GMNC: variants seen among roughly 807,000 people sequenced by gnomAD.
The protein encoded by GMNC is geminin coiled-coil domain-containing protein 1.
GMNC carries 16 observed loss-of-function variants against 33.6 expected under a neutral mutation model. The ratio of observed to expected loss-of-function variants is 0.48; its 90% CI spans 0.32 to 0.72. The LOEUF is 0.72. Among genes scored for constraint, GMNC ranks in the 30% least tolerant of loss-of-function variants. The pLI is 0.03. For missense variants in GMNC, 393 were observed against 388.9 expected (o/e 1.01, Z -0.09); for synonymous variants, 156 against 147.3 (o/e 1.06, Z -0.43).
In GMNC at chr3:190,855,864, C is replaced by A. The variant is rs1396312241; in HGVS notation, c.436G>T (p.Gly146Trp). Residue 146 changes from glycine (G) to tryptophan (W), a missense_variant, in exon 5 of 5, where the codon GGG becomes TGG. Physicochemically the swap from Gly to Trp is radical, Grantham distance 184 (BLOSUM62 -2). Coordinates refer to ENST00000442080, the MANE Select transcript of GMNC (RefSeq NM_001146686.3). ...FSKAYGKFRK[G>W]KRKSKEQRYS... ...CTTTGCTCTTTGGATTTTCTCTTCC[C>A]CTTCCTGAATTTTCCATATGCTTTG... 1.3e-6 allele frequency: 2 copies of A among 1,550,658 alleles called. No homozygotes were observed. The highest frequency in any genetic ancestry group is 2.7e-5 in the African/African-American group (2 of 72,886).
At chr3:190,858,284 T>A (rs1737790003) in intron 3 of GMNC, among the ~76,000 whole-genome samples, 1 of 151,858 alleles carries the variant, frequency 6.6e-6, no homozygotes, top group South Asian at 2.1e-4. Flanking sequence ...AAAATAGAGG[T>A]GGGTCGCCTT....
In GMNC at chr3:190,857,864, G is replaced by T; in HGVS notation, c.303C>A (p.Leu101=). The stretch of plus-strand genomic sequence containing the variant: ...GATTATTCTCTTCGTGTAACCTGGC[G>T]AGTTCTTCTTCCTTCTGCACCAGGG... ...QDTLVQKEEE[L]ARLHEENNHL... The change falls in exon 4 of 5, where the codon CTC becomes CTA. Residue 101 remains leucine, a synonymous_variant. Coordinates refer to ENST00000442080, the MANE Select transcript of GMNC (RefSeq NM_001146686.3). 1 of 1,550,622 alleles carries T rather than the reference G, an allele frequency of 6.4e-7. No individual in the cohort carries two copies. Among genetic ancestry groups the T allele is most frequent in the Non-Finnish European group, 8.7e-7 (1 of 1,146,012 alleles).
downstream of GMNC, among the ~76,000 whole-genome samples, chr3:190,850,329 T>A (rs957259993): frequency 3.9e-5 from 6 of 152,232 alleles, no homozygotes; most frequent in Non-Finnish European, 8.8e-5. Context: ...GTGATAGTGA[T>A]AGAGACAGGA....
At position 190,855,787 on chromosome 3, in the gene GMNC, A is replaced by G. The variant is rs1242198709; in HGVS notation, c.513T>C (p.Ser171=). 2 of 1,551,424 alleles carry G rather than the reference A, an allele frequency of 1.3e-6. No individual in the cohort carries two copies. The highest frequency in any genetic ancestry group is 1.7e-6 in the Non-Finnish European group (2 of 1,146,908). ...PHPKNAKRNL[S]SEFANCEEQA... ...GTTCTTCACAGTTAGCAAATTCACTAGAGAGGTTTCTTTTGGCATTTTTGG... is the reference window on the plus strand; with the variant it reads ...GTTCTTCACAGTTAGCAAATTCACTGGAGAGGTTTCTTTTGGCATTTTTGG... Residue 171 remains serine, a synonymous_variant, in exon 5 of 5, where the codon TCT becomes TCC. Coordinates refer to ENST00000442080, the MANE Select transcript of GMNC (RefSeq NM_001146686.3).
At position 190,859,069 on chromosome 3, in the gene GMNC, A is replaced by G. The variant is rs770028996; in HGVS notation, c.179-53T>C. ...AAAATAATCTTGTAGTTTCTGTGTAATAAAGAAACTTATCAAATCAAATCA... is the reference window on the plus strand; with the variant it reads ...AAAATAATCTTGTAGTTTCTGTGTAGTAAAGAAACTTATCAAATCAAATCA... On this transcript the variant is annotated intron_variant, in intron 2 of 4. Coordinates refer to ENST00000442080, the MANE Select transcript of GMNC (RefSeq NM_001146686.3). The G allele has an allele frequency of 7.5e-4, 821 of 1,096,744 alleles. 2 individuals are homozygous for G. Among genetic ancestry groups the G allele is most frequent in the Non-Finnish European group, 5.0e-4 (374 of 745,784 alleles). The allele number at this position is 1,096,744 out of a possible 1,614,324, so 67.9% of individuals were successfully genotyped here. A position where few individuals can be genotyped will look rare whatever the true frequency, so the allele number is the denominator to read the frequency against.
intron 4 of GMNC, among the ~76,000 whole-genome samples, chr3:190,856,672 T>A (rs1737753842): frequency 6.7e-6 from 1 of 150,220 alleles, no homozygotes; most frequent in Admixed American, 6.7e-5. Flanking sequence ...TGATGTAGCT[T>A]GCACATAAAC....
chr3:190,858,102 C>G, intron 3 of GMNC: 1 of 558,406 alleles, frequency 1.8e-6, no homozygotes. Context: ...TCTGAATGTT[C>G]ATTCATTGCA....
chr3:190,853,974 G>T lies in GMNC; in HGVS notation c.*1321C>A, dbSNP rs548642655. 12 of 152,098 alleles carry T rather than the reference G, an allele frequency of 7.9e-5. No individual in the cohort carries two copies. Among genetic ancestry groups the T allele is most frequent in the African/African-American group, 2.6e-4 (11 of 41,518 alleles). 9.4% of individuals were successfully genotyped at this position (152,098 alleles called of 1,614,324 possible). The stretch of plus-strand genomic sequence containing the variant: ...GTTACGCCGAGTTAACTGCAAAATG[G>T]GCTCTAGAAAAAGAGTACTGTGATC... On this transcript the variant is annotated 3_prime_UTR_variant, in exon 5 of 5. Coordinates refer to ENST00000442080, the MANE Select transcript of GMNC (RefSeq NM_001146686.3).
chr3:190,845,508 C>CTTTTTTTTTT, the GMNC span, among the ~76,000 whole-genome samples: 60 of 125,794 alleles, frequency 4.8e-4, 1 homozygote, highest in African/African-American at 1.7e-3. Context: ...ATTTTGAAAC[C>CTTTTTTTTTT]TTTTTTTTTT....
chr3:190,850,898 A>C (rs1050922361), downstream of GMNC, among the ~76,000 whole-genome samples: 2 of 152,234 alleles, frequency 1.3e-5, no homozygotes, highest in African/African-American at 2.4e-5. Context: ...TGTTTGAAAT[A>C]ACTTACATCA....
the GMNC span, among the ~76,000 whole-genome samples, chr3:190,844,761 A>C: frequency 2.6e-5 from 4 of 152,252 alleles, no homozygotes; most frequent in African/African-American, 7.2e-5. Context: ...AAGCAAATAG[A>C]GAAAGCACAA....
At position 190,860,736 on chromosome 3, in the gene GMNC, C is replaced by T; in HGVS notation, c.126G>A (p.Trp42Ter). 6.4e-7 allele frequency: 1 copy of T among 1,551,444 alleles called. No homozygotes were observed. The highest frequency in any genetic ancestry group is 8.7e-7 in the Non-Finnish European group (1 of 1,146,986). The change falls in exon 2 of 5, where the codon TGG (tryptophan) becomes TGA (stop). Residue 42 changes from tryptophan to a stop codon, truncating the protein, a stop_gained. Transcript: ENST00000442080. LOFTEE classifies it high-confidence loss of function. ...CTCTGTTGTCCAGGAGACCAGCAGC[C>T]CAGAAAGAGACCCAAGTCTCCGTGG... is the stretch of plus-strand genomic sequence containing the variant. ...DVSTETWVSFWAAGLLDNREL... is the reference protein window; with the variant it reads ...DVSTETWVSF
chr3:190,858,863 A>G, intron 3 of GMNC, 65 bp downstream of exon 3: 1 of 907,430 alleles, frequency 1.1e-6, no homozygotes, highest in South Asian at 1.6e-5. Flanking sequence ...AAGAAGCAAG[A>G]TATTAGCAGT....
the GMNC span, among the ~76,000 whole-genome samples, chr3:190,843,773 G>A: frequency 3.3e-5 from 5 of 152,064 alleles, no homozygotes; most frequent in Non-Finnish European, 7.4e-5. Flanking sequence ...GTACTTTATT[G>A]CATTTCCTAC....
the GMNC span, among the ~76,000 whole-genome samples, chr3:190,847,416 A>G: frequency 6.6e-6 from 1 of 152,158 alleles, no homozygotes; most frequent in Non-Finnish European, 1.5e-5. Context: ...AGCTCACACT[A>G]TCAGTTGTCT....
Position 190,861,700 on chromosome 3 carries a change from A to G in GMNC, c.4-842T>C, listed in dbSNP as rs1237849530. Reference sequence around the variant, plus strand: ...TGCCATTAACTGGCATGTATTCTCCACTGTGTTCTGATCCAGTGAACACTC... The same window carrying G: ...TGCCATTAACTGGCATGTATTCTCCGCTGTGTTCTGATCCAGTGAACACTC... On this transcript the variant is annotated intron_variant, in intron 1 of 4. Transcript: ENST00000442080. This position sits in a 1 kb window ranked among gnomAD's most constrained non-coding sequence, Gnocchi z 5.1. 6.6e-6 allele frequency among the ~76,000 whole-genome samples: 1 copy of G among 152,100 alleles called. No homozygotes were observed. The highest frequency in any genetic ancestry group is 1.5e-5 in the Non-Finnish European group (1 of 68,024).
chr3:190,858,910 G>A lies in GMNC; in HGVS notation c.267+18C>T, dbSNP rs1737804838. ...CACATAGAACATGACCAGTCTCAAT[G>A]TTCTGACTTACACATACCTGCTTAT... is the stretch of plus-strand genomic sequence containing the variant. On this transcript the variant is annotated intron_variant, in intron 3 of 4. Transcript: ENST00000442080. 2 of 1,449,054 alleles carry A rather than the reference G, an allele frequency of 1.4e-6. No individual in the cohort carries two copies. Among genetic ancestry groups the A allele is most frequent in the Non-Finnish European group, 1.9e-6 (2 of 1,055,204 alleles). 89.8% of individuals were successfully genotyped at this position (1,449,054 alleles called of 1,614,324 possible).
Position 190,861,666 on chromosome 3 carries a change from A to C in GMNC, c.4-808T>G, listed in dbSNP as rs1208369659. ...ATCACTAGGGCTCAGTGCCCCTCCA[A>C]AGTTATCTTGCCATTAACTGGCATG... is the stretch of plus-strand genomic sequence containing the variant. On this transcript the variant is annotated intron_variant, in intron 1 of 4. Coordinates refer to ENST00000442080, the MANE Select transcript of GMNC (RefSeq NM_001146686.3). The surrounding 1 kb of genome is among the most constrained non-coding windows in gnomAD (Gnocchi z 5.1). 6.6e-6 allele frequency among the ~76,000 whole-genome samples: 1 copy of C among 152,090 alleles called. No homozygotes were observed. The highest frequency in any genetic ancestry group is 6.6e-5 in the Admixed American group (1 of 15,262).
In GMNC at chr3:190,853,903, A is replaced by G. The variant is rs1577909583; in HGVS notation, c.*1392T>C. The G allele has an allele frequency of 6.6e-6, 1 of 152,182 alleles. No homozygotes were observed. Among genetic ancestry groups the G allele is most frequent in the South Asian group, 2.1e-4 (1 of 4,832 alleles). 9.4% of individuals were successfully genotyped at this position (152,182 alleles called of 1,614,324 possible). A position where few individuals can be genotyped will look rare whatever the true frequency, so the allele number is the denominator to read the frequency against. On this transcript the variant is annotated 3_prime_UTR_variant, in exon 5 of 5. Transcript: ENST00000442080. The stretch of plus-strand genomic sequence containing the variant: ...ATATGCAATCTATCCGCACTTATTT[A>G]AAAATTAATATGTATCTATTTTTAG...
Sources: gnomAD v4.1 joint callset for allele counts (sites outside exome capture counted in the v4.1 genomes callset) on GRCh38, gnomAD v4.1.1 for gene constraint, Gnocchi (gnomAD v3.1) non-coding constraint, MANE v1.5 for transcripts, NCBI Gene and HGNC (gene_info 2026-07-23, HGNC 2026-07-21) for gene names.